Variants in INPP4B observed in about 807,000 individuals in gnomAD.
INPP4B encodes inositol polyphosphate 4-phosphatase type II.
A neutral mutation model predicts 122.5 loss-of-function variants in INPP4B; 55 were observed. The observed-to-expected ratio is 0.45, with a 90% CI of 0.36 to 0.56. The LOEUF (loss-of-function observed/expected upper bound fraction) is 0.56. Among genes scored for constraint, INPP4B ranks in the 20% least tolerant of loss-of-function variants. The pLI is 0.00. For synonymous variants in INPP4B, 403 were observed against 388.7 expected (o/e 1.04, Z -0.43); for missense variants, 1,000 against 1,097.7 (o/e 0.91, Z 1.26).
chr4:142,243,879 C>T (rs1860737480), intron 11 of INPP4B, among the ~76,000 whole-genome samples: 1 of 24,952 alleles, frequency 4.0e-5, no homozygotes, highest in Admixed American at 4.4e-4. Flanking sequence ...ATCTATGGTG[C>T]TACATGGTAG....
intron 2 of INPP4B, among the ~76,000 whole-genome samples, chr4:142,650,509 G>C (rs1233335258): frequency 1.3e-5 from 2 of 151,248 alleles, no homozygotes; most frequent in African/African-American, 4.9e-5. Context: ...TCAAAATAAA[G>C]GGATAAAGGA....
chr4:142,550,621 T>TATATATATATATATATA (rs371250535), intron 2 of INPP4B, among the ~76,000 whole-genome samples: 2 of 126,860 alleles, frequency 1.6e-5, no homozygotes, highest in Non-Finnish European at 3.1e-5. Flanking sequence ...TATATATATA[T>TATATATATATATATATA]TTTTTTTTTT....
chr4:142,616,877 G>T (rs1743816739), intron 2 of INPP4B, among the ~76,000 whole-genome samples: 1 of 152,088 alleles, frequency 6.6e-6, no homozygotes, highest in African/African-American at 2.4e-5. Flanking sequence ...GTAAGTGGGA[G>T]CTAAAGAGCA....
intron 16 of INPP4B, among the ~76,000 whole-genome samples, chr4:142,161,344 C>G (rs533994009): frequency 6.6e-6 from 1 of 152,052 alleles, no homozygotes; most frequent in Admixed American, 6.6e-5. Flanking sequence ...CAGTTTCACC[C>G]TGTAATAGAC....
intron 2 of INPP4B, among the ~76,000 whole-genome samples, chr4:142,580,258 T>C (rs958866226): frequency 6.6e-6 from 1 of 151,888 alleles, no homozygotes; most frequent in African/African-American, 2.4e-5. Flanking sequence ...TAAGATTCAA[T>C]TTTCTAACTT....
chr4:142,283,167 T>C (rs1312221248), intron 9 of INPP4B, among the ~76,000 whole-genome samples: 1 of 152,036 alleles, frequency 6.6e-6, no homozygotes, highest in African/African-American at 2.4e-5. Context: ...TGACTGGCTA[T>C]AGAGAATATG....
intron 7 of INPP4B, among the ~76,000 whole-genome samples, chr4:142,376,633 A>T (rs1791956078): frequency 6.6e-6 from 1 of 152,020 alleles, no homozygotes; most frequent in Admixed American, 6.6e-5. Context: ...GCTCTTAGCC[A>T]CATCTCCAAG....
intron 2 of INPP4B, among the ~76,000 whole-genome samples, chr4:142,556,932 CT>C (rs1311483399): frequency 1.3e-5 from 2 of 152,148 alleles, no homozygotes; most frequent in African/African-American, 4.8e-5. Context: ...CTGGAAGAGG[CT>C]TTATCTTCTC....
intron 1 of INPP4B, among the ~76,000 whole-genome samples, chr4:142,766,408 C>T (rs1317570147): frequency 6.6e-6 from 1 of 151,406 alleles, no homozygotes; most frequent in African/African-American, 2.4e-5. Flanking sequence ...GATGGAGTCT[C>T]ATTCACTCTG....
At chr4:142,675,587 GA>G (rs1757644806) in intron 2 of INPP4B, among the ~76,000 whole-genome samples, 1 of 151,968 alleles carries the variant, frequency 6.6e-6, no homozygotes, top group South Asian at 2.1e-4. Context: ...ACATCAATGC[GA>G]AAATCCTCAA....
chr4:142,723,380 G>C (rs1029168205), intron 2 of INPP4B, among the ~76,000 whole-genome samples: 1 of 151,898 alleles, frequency 6.6e-6, no homozygotes, highest in African/African-American at 2.4e-5. Flanking sequence ...ACAGAATCAC[G>C]GTCTGTATTT....
At chr4:142,624,183 C>G (rs930570732) in intron 2 of INPP4B, among the ~76,000 whole-genome samples, 20 of 151,890 alleles carry the variant, frequency 1.3e-4, no homozygotes, top group Non-Finnish European at 2.8e-4. Context: ...ACAGTCCCAC[C>G]AACAGTATAA....
intron 1 of INPP4B, among the ~76,000 whole-genome samples, chr4:142,726,366 T>C (rs1170628244): frequency 6.6e-6 from 1 of 152,224 alleles, no homozygotes; most frequent in Non-Finnish European, 1.5e-5. Context: ...TTTGGGTCTT[T>C]CCACAAAGTA....
intron 9 of INPP4B, among the ~76,000 whole-genome samples, chr4:142,301,774 C>A (rs1032001264): frequency 6.6e-6 from 1 of 152,134 alleles, no homozygotes; most frequent in Non-Finnish European, 1.5e-5. Flanking sequence ...CACAACAAAG[C>A]TGTGACAAGG....
rs1809237785 is a variant in INPP4B at position 142,431,233 on chromosome 4, T to C, written c.27A>G (p.Ser9=). ...TAGGAAGAAAGTGCTGCCCTTCTTC[T>C]GATGCCCCTTCCTCTTTAATTTCCA... is the stretch of plus-strand genomic sequence containing the variant. The part of the protein sequence containing the change: MEIKEEGA[S]EEGQHFLPTA... The change falls in exon 4 of 26, where the codon TCA becomes TCG. Residue 9 remains serine (S), a synonymous_variant. Transcript: ENST00000262992. 3 of 1,613,230 alleles carry C rather than the reference T, an allele frequency of 1.9e-6. No individual in the cohort carries two copies. Among genetic ancestry groups the C allele is most frequent in the Non-Finnish European group, 2.5e-6 (3 of 1,179,392 alleles).
At chr4:142,363,268 A>G (rs1786149469) in intron 7 of INPP4B, among the ~76,000 whole-genome samples, 3 of 151,982 alleles carry the variant, frequency 2.0e-5, no homozygotes, top group Admixed American at 2.0e-4. Context: ...ATAAATATCA[A>G]TTTTAAAAAT....
At chr4:142,347,387 G>A in intron 7 of INPP4B, 1 of 283,610 alleles carries the variant, frequency 3.5e-6, no homozygotes, top group South Asian at 3.3e-5. Flanking sequence ...ATTATTATTT[G>A]GCCAGTGCTC....
Position 142,025,972 on chromosome 4 carries a change from T to C in INPP4B, c.*2810A>G, listed in dbSNP as rs1736879970. 6.6e-6 allele frequency: 1 copy of C among 152,210 alleles called. No homozygotes were observed. The highest frequency in any genetic ancestry group is 2.1e-4 in the South Asian group (1 of 4,836). 9.4% of individuals were successfully genotyped at this position (152,210 alleles called of 1,614,324 possible). A position where few individuals can be genotyped will look rare whatever the true frequency, so the allele number is the denominator to read the frequency against. On this transcript the variant is annotated 3_prime_UTR_variant, in exon 26 of 26. Transcript: ENST00000262992. ...GATGTAAATGAATGGTTTCCTTGTC[T>C]TTAAATATGTTTTTCCTAGGGCTCA...
intron 1 of INPP4B, among the ~76,000 whole-genome samples, chr4:142,791,111 T>C (rs1346882214): frequency 1.3e-5 from 2 of 152,138 alleles, no homozygotes; most frequent in African/African-American, 2.4e-5. Context: ...TGGAGAAAAA[T>C]ATATCATGAA....
Sources: allele counts gnomAD v4.1 joint callset (sites outside exome capture counted in the v4.1 genomes callset), GRCh38; gene constraint gnomAD v4.1.1; transcripts MANE v1.5; gene names NCBI Gene and HGNC (gene_info 2026-07-23, HGNC 2026-07-21).